WWOX: variants seen among roughly 807,000 people sequenced by gnomAD.
WWOX encodes the protein WW domain containing oxidoreductase.
WWOX carries 69 observed loss-of-function variants against 46.2 expected under a neutral mutation model. The observed-to-expected ratio is 1.49, with a 90% CI of 1.23 to 1.82. WWOX has a LOEUF of 1.82. Among genes scored for constraint, WWOX ranks in the 40% most tolerant of loss-of-function variants. The pLI, the probability that WWOX is intolerant of heterozygous loss-of-function variation, is 0.00. For missense variants in WWOX, 919 were observed against 542.6 expected (o/e 1.69, Z -6.89); for synonymous variants, 359 against 202.6 (o/e 1.77, Z -6.56).
chr16:79,058,277 T>C (rs971906087), intron 8 of WWOX, among the ~76,000 whole-genome samples: 4 of 152,196 alleles, frequency 2.6e-5, no homozygotes, highest in African/African-American at 9.7e-5. Flanking sequence ...CTCTATTTTC[T>C]CTATATAAAA....
chr16:79,086,747 G>A (rs371903635), intron 8 of WWOX, among the ~76,000 whole-genome samples: 1 of 152,196 alleles, frequency 6.6e-6, no homozygotes, highest in Non-Finnish European at 1.5e-5. Flanking sequence ...GCCAGGCATG[G>A]TGCTGCATGC....
chr16:79,066,311 G>A (rs1392379226), intron 8 of WWOX, among the ~76,000 whole-genome samples: 1 of 152,156 alleles, frequency 6.6e-6, no homozygotes, highest in Non-Finnish European at 1.5e-5. Context: ...AGCACAGGCA[G>A]TACCTGCTTT....
At chr16:78,649,662 T>C (rs1387745437) in intron 8 of WWOX, among the ~76,000 whole-genome samples, 2 of 152,254 alleles carry the variant, frequency 1.3e-5, no homozygotes, top group African/African-American at 4.8e-5. Flanking sequence ...CCTTTACTTA[T>C]GACTCTGCCC....
intron 8 of WWOX, among the ~76,000 whole-genome samples, chr16:78,913,835 A>AT (rs2045175639): frequency 1.3e-5 from 2 of 151,688 alleles, no homozygotes; most frequent in African/African-American, 4.8e-5. Context: ...TAACTTTTGT[A>AT]TTTTTTGTAG....
At chr16:79,014,420 T>C (rs1247666499) in intron 8 of WWOX, among the ~76,000 whole-genome samples, 2 of 152,184 alleles carry the variant, frequency 1.3e-5, no homozygotes, top group African/African-American at 4.8e-5. Context: ...TCTCAAGCTG[T>C]CTATGTTTTC....
intron 8 of WWOX, among the ~76,000 whole-genome samples, chr16:79,026,870 CT>C (rs2047654927): frequency 6.7e-6 from 1 of 149,036 alleles, no homozygotes; most frequent in Non-Finnish European, 1.5e-5. Context: ...ACCTTGTGAT[CT>C]GCCCACCTCA....
At position 79,211,957 on chromosome 16, in the gene WWOX, G is replaced by A. The variant is rs1455720800; in HGVS notation, c.*161G>A. On this transcript the variant is annotated 3_prime_UTR_variant, in exon 9 of 9. Coordinates refer to ENST00000566780, the MANE Select transcript of WWOX (RefSeq NM_016373.4). ...GAGTGAAAAATCTTAAGTACCAATG[G>A]GAAGCAGGGAATTCCTGGGGTAAAG... 6 of 1,536,122 alleles carry A rather than the reference G, an allele frequency of 3.9e-6. No homozygotes were observed. The highest frequency in any genetic ancestry group is 5.2e-6 in the Non-Finnish European group (6 of 1,146,904).
intron 8 of WWOX, among the ~76,000 whole-genome samples, chr16:78,435,353 C>G (rs56284701): frequency 1.3e-5 from 2 of 152,194 alleles, no homozygotes; most frequent in African/African-American, 2.4e-5. Flanking sequence ...CTACTGCAGT[C>G]TCTCCTATTT....
At chr16:78,400,711 T>C (rs1166539221) in intron 6 of WWOX, among the ~76,000 whole-genome samples, 1 of 152,204 alleles carries the variant, frequency 6.6e-6, no homozygotes, top group African/African-American at 2.4e-5. Context: ...GGGATCATTC[T>C]GGAGTGTACA....
chr16:78,222,907 A>G (rs1228526984), intron 5 of WWOX, among the ~76,000 whole-genome samples: 3 of 152,196 alleles, frequency 2.0e-5, no homozygotes, highest in African/African-American at 7.2e-5. Context: ...CTCAGAGGAG[A>G]TGCAAATAGG....
intron 5 of WWOX, among the ~76,000 whole-genome samples, chr16:78,326,388 A>G (rs2080615493): frequency 6.6e-6 from 1 of 152,092 alleles, no homozygotes; most frequent in Non-Finnish European, 1.5e-5. Context: ...CCCCTATCAT[A>G]CTTAGGAAAA....
intron 8 of WWOX, among the ~76,000 whole-genome samples, chr16:78,812,126 C>A (rs775077015): frequency 2.6e-5 from 4 of 151,952 alleles, no homozygotes; most frequent in Non-Finnish European, 5.9e-5. Context: ...CCACAGAGAC[C>A]AAATACAGTA....
chr16:78,734,841 C>CTTTTTTTTTTTTTTTT lies in WWOX; in HGVS notation c.1056+302116_1056+302131dup, dbSNP rs60560119. 2.5e-4 allele frequency among the ~76,000 whole-genome samples: 10 copies of CTTTTTTTTTTTTTTTT among 40,126 alleles called. 2 individuals are homozygous for CTTTTTTTTTTTTTTTT. The highest frequency in any genetic ancestry group is 2.8e-4 in the Non-Finnish European group (6 of 21,328). 26.3% of individuals were successfully genotyped at this position (40,126 alleles called of 152,430 possible). A position where few individuals can be genotyped will look rare whatever the true frequency, so the allele number is the denominator to read the frequency against. On this transcript the variant is annotated intron_variant, in intron 8 of 8. Coordinates refer to ENST00000566780, the MANE Select transcript of WWOX (RefSeq NM_016373.4). ...GATGACTCAGGTGGGGACTTCAGTC[C>CTTTTTTTTTTTTTTTT]TTTTTTTTTTTTTTTTTTTTTTTTT...
At chr16:78,862,937 G>C (rs1418932724) in intron 8 of WWOX, among the ~76,000 whole-genome samples, 1 of 151,216 alleles carries the variant, frequency 6.6e-6, no homozygotes, top group East Asian at 1.9e-4. Flanking sequence ...CATACAATTA[G>C]ACATCATGGT....
chr16:78,782,749 C>G (rs1054800246), intron 8 of WWOX, among the ~76,000 whole-genome samples: 1 of 147,028 alleles, frequency 6.8e-6, no homozygotes, highest in South Asian at 2.2e-4. Context: ...ATTATTACAT[C>G]ATTACAGAAG....
chr16:78,260,551 C>T (rs9924333), intron 5 of WWOX, among the ~76,000 whole-genome samples: 3,629 of 151,408 alleles, frequency 0.024, 222 homozygotes, highest in African/African-American at 0.084. Flanking sequence ...GCCTGTAATC[C>T]CACCTACTTG....
chr16:79,135,460 A>G (rs967906850), intron 8 of WWOX, among the ~76,000 whole-genome samples: 14 of 152,354 alleles, frequency 9.2e-5, no homozygotes, highest in African/African-American at 3.4e-4. Context: ...AATAATTTTA[A>G]TATAAATCTA....
chr16:78,100,239 TAGG>T, intron 1 of WWOX: 3 of 1,130,222 alleles, frequency 2.7e-6, no homozygotes, highest in Non-Finnish European at 3.3e-6. Flanking sequence ...GTTGCAGGGA[TAGG>T]AGTTTTGTTG....
At chr16:78,670,801 TC>T in intron 8 of WWOX, among the ~76,000 whole-genome samples, 1 of 152,026 alleles carries the variant, frequency 6.6e-6, no homozygotes, top group Admixed American at 6.5e-5. Flanking sequence ...CATGAGCCAC[TC>T]CACCTACCCA....
Sources: gnomAD v4.1 joint callset for allele counts (sites outside exome capture counted in the v4.1 genomes callset) on GRCh38, gnomAD v4.1.1 for gene constraint, MANE v1.5 for transcripts, NCBI Gene and HGNC (gene_info 2026-07-23, HGNC 2026-07-21) for gene names.